TRPM3: variants seen among roughly 807,000 people sequenced by gnomAD.
TRPM3 encodes long transient receptor potential channel 3.
In TRPM3, 77 loss-of-function variants were observed where a neutral mutation model predicts 181.2. That is an observed-to-expected ratio of 0.42 (90% CI 0.35 to 0.51). TRPM3 has a LOEUF of 0.51. Ranked by LOEUF, TRPM3 falls within the 20% of genes least tolerant of loss-of-function variation. TRPM3 has a pLI of 0.01. For synonymous variants in TRPM3, 745 were observed against 796.4 expected (o/e 0.94, Z 1.09); for missense variants, 1,759 against 2,196.7 (o/e 0.80, Z 3.98).
rs2090988169 is a variant in TRPM3, at chr9:71,341,889, A to G, written c.183+104764T>C. 5.3e-5 allele frequency among the ~76,000 whole-genome samples: 8 copies of G among 152,150 alleles called. No homozygotes were observed. The South Asian group carries it at 1.7e-3, about 32-fold the overall frequency. ...TGCCATAAAGTCAAAGAAAAATTACAAATTGGGAGAAAATACTTGCAATAC... is the reference window on the plus strand; with the variant it reads ...TGCCATAAAGTCAAAGAAAAATTACGAATTGGGAGAAAATACTTGCAATAC... On this transcript the variant is annotated intron_variant, in intron 1 of 24. Coordinates refer to the TRPM3 transcript ENST00000357533.
At chr9:70,760,814 T>C (rs1425979678) in intron 8 of TRPM3, 1 of 152,048 alleles carries the variant, frequency 6.6e-6, no homozygotes, top group African/African-American at 2.4e-5. Context: ...ACTTTCTGAA[T>C]AAAAATACTC....
At chr9:71,061,750 G>C (rs911923956) in intron 1 of TRPM3, among the ~76,000 whole-genome samples, 3 of 152,016 alleles carry the variant, frequency 2.0e-5, no homozygotes, top group African/African-American at 7.2e-5. Flanking sequence ...GAGATCTCTT[G>C]GAAGCTTGTG....
chr9:70,981,731 C>T (rs2097365680), intron 1 of TRPM3, among the ~76,000 whole-genome samples: 1 of 152,118 alleles, frequency 6.6e-6, no homozygotes, highest in Non-Finnish European at 1.5e-5. Context: ...TCAATTAATG[C>T]TAATAACTAT....
At chr9:70,752,635 T>C (rs2076386851) in intron 8 of TRPM3, among the ~76,000 whole-genome samples, 2 of 152,230 alleles carry the variant, frequency 1.3e-5, no homozygotes, top group African/African-American at 4.8e-5. Flanking sequence ...TATAATATTG[T>C]ATTTTTATTG....
intron 8 of TRPM3, among the ~76,000 whole-genome samples, chr9:70,701,509 T>TGCATG (rs57984029): frequency 0.15 from 23,248 of 152,064 alleles, 2,332 homozygotes; most frequent in East Asian, 0.39. Context: ...GGGAATTTAG[T>TGCATG]GATTGTCTCA....
intron 1 of TRPM3, among the ~76,000 whole-genome samples, chr9:71,343,082 T>A (rs1444369797): frequency 1.3e-5 from 2 of 152,020 alleles, no homozygotes; most frequent in Admixed American, 1.3e-4. Context: ...AGGTTTTCTA[T>A]AAGGGCTTAG....
At chr9:70,918,823 A>C (rs2096627015) in intron 1 of TRPM3, among the ~76,000 whole-genome samples, 1 of 152,110 alleles carries the variant, frequency 6.6e-6, no homozygotes, top group South Asian at 2.1e-4. Context: ...ATGGAATAGA[A>C]ACTTATTTTT....
intron 2 of TRPM3, 139 bp downstream of exon 2, chr9:70,864,293 T>A: frequency 1.9e-6 from 1 of 534,828 alleles, no homozygotes; most frequent in Non-Finnish European, 3.2e-6. Context: ...ATAAATAAGA[T>A]TGCCTCAAAG....
At chr9:71,123,455 G>C (rs1026621271), upstream of TRPM3, among the ~76,000 whole-genome samples, 1 of 152,126 alleles carries the variant, frequency 6.6e-6, no homozygotes, top group African/African-American at 2.4e-5. Context: ...TTGTTGTGAG[G>C]ACTAAATAAG....
At chr9:70,934,043 T>G (rs995857972) in intron 1 of TRPM3, among the ~76,000 whole-genome samples, 8 of 152,256 alleles carry the variant, frequency 5.3e-5, no homozygotes, top group Non-Finnish European at 8.8e-5. Context: ...AGACATATTC[T>G]CTTCATGTGC....
rs555651781 is a variant in TRPM3 at position 70,553,132 on chromosome 9, T to C, written c.3374+28A>G. 2.5e-6 allele frequency: 4 copies of C among 1,613,990 alleles called. No homozygotes were observed. In the African/African-American group the frequency reaches 5.3e-5, roughly 22 times the overall value. ...CCTTCACCCCTGCTGTCCTCATCCA[T>C]CCCACGTGCTCCAAAGGACCCACTT... On this transcript the variant is annotated intron_variant, in intron 23 of 25. Transcript: ENST00000677713.
intron 1 of TRPM3, among the ~76,000 whole-genome samples, chr9:71,103,797 A>C (rs2068874398): frequency 6.6e-6 from 1 of 152,180 alleles, no homozygotes; most frequent in Non-Finnish European, 1.5e-5. Flanking sequence ...CATTTTTTTG[A>C]AGGCATGAAT....
intron 1 of TRPM3, among the ~76,000 whole-genome samples, chr9:70,992,283 G>T (rs1017333529): frequency 1.3e-5 from 2 of 152,116 alleles, no homozygotes; most frequent in Non-Finnish European, 2.9e-5. Context: ...GTCAGTGTAG[G>T]GCTCTCTACT....
chr9:70,578,525 G>T (rs1361983482), intron 22 of TRPM3, among the ~76,000 whole-genome samples: 1 of 152,230 alleles, frequency 6.6e-6, no homozygotes, highest in Non-Finnish European at 1.5e-5. Flanking sequence ...TTGCCAAAAG[G>T]AGTCCTTCAC....
intron 1 of TRPM3, among the ~76,000 whole-genome samples, chr9:71,129,221 G>A (rs1467406875): frequency 6.6e-6 from 1 of 152,160 alleles, no homozygotes; most frequent in Non-Finnish European, 1.5e-5. Context: ...ATAGTAATGG[G>A]AGGGATTAAA....
At chr9:71,407,056 T>C (rs959054648) in intron 1 of TRPM3, among the ~76,000 whole-genome samples, 1 of 152,132 alleles carries the variant, frequency 6.6e-6, no homozygotes, top group Non-Finnish European at 1.5e-5. Flanking sequence ...TCCTAGATGG[T>C]TTTATGTTTC....
At chr9:70,675,711 T>C (rs982945176) in intron 9 of TRPM3, among the ~76,000 whole-genome samples, 4 of 152,216 alleles carry the variant, frequency 2.6e-5, no homozygotes, top group Admixed American at 1.3e-4. Flanking sequence ...TATTCATAGC[T>C]ATGTGATTTC....
At chr9:71,285,232 A>G (rs10121730) in intron 1 of TRPM3, among the ~76,000 whole-genome samples, 177 of 152,282 alleles carry the variant, frequency 1.2e-3, no homozygotes, top group African/African-American at 4.2e-3. Flanking sequence ...AACTCCTCCA[A>G]TCCTGCCTGG....
intron 1 of TRPM3, among the ~76,000 whole-genome samples, chr9:71,252,847 C>CTTT (rs11417438): frequency 4.6e-4 from 39 of 84,736 alleles, no homozygotes; most frequent in East Asian, 1.0e-3. Flanking sequence ...AATTTTGTCT[C>CTTT]TTTTTTTTTT....
Sources: gnomAD v4.1 joint callset for allele counts (sites outside exome capture counted in the v4.1 genomes callset) on GRCh38, gnomAD v4.1.1 for gene constraint, MANE v1.5 for transcripts, NCBI Gene and HGNC (gene_info 2026-07-23, HGNC 2026-07-21) for gene names.